The following CCDC85A variants were observed in gnomAD, a reference collection of about 807,000 sequenced individuals.
CCDC85A encodes coiled-coil domain containing 85A.
A neutral mutation model predicts 50.2 loss-of-function variants in CCDC85A; 38 were observed. The observed-to-expected ratio is 0.76, with a 90% CI of 0.58 to 0.99. The LOEUF is 0.99. CCDC85A is among the 50% of genes least tolerant of loss of function. The pLI, the probability that CCDC85A is intolerant of heterozygous loss-of-function variation, is 0.00. For synonymous variants in CCDC85A, 366 were observed against 301.4 expected, an observed-to-expected ratio of 1.21 and a Z score of -2.22; for missense variants, 820 against 742.0, an observed-to-expected ratio of 1.11 and a Z score of -1.22.
intron 3 of CCDC85A, among the ~76,000 whole-genome samples, chr2:56,362,163 A>T (rs753017258): frequency 6.6e-6 from 1 of 152,168 alleles, no homozygotes; most frequent in Non-Finnish European, 1.5e-5. Context: ...GGGATGGTAC[A>T]GAGTGTCAAC....
intron 2 of CCDC85A, among the ~76,000 whole-genome samples, chr2:56,211,037 G>A (rs756623253): frequency 2.6e-5 from 4 of 152,036 alleles, no homozygotes; most frequent in Non-Finnish European, 4.4e-5. Flanking sequence ...TTGCATCCAG[G>A]CTGCTTTACC....
At chr2:56,367,175 T>G (rs1408940775) in intron 3 of CCDC85A, among the ~76,000 whole-genome samples, 1 of 152,210 alleles carries the variant, frequency 6.6e-6, no homozygotes, top group Non-Finnish European at 1.5e-5. Context: ...GCATACTATA[T>G]GTCTCTATCT....
intron 2 of CCDC85A, among the ~76,000 whole-genome samples, chr2:56,201,067 C>A (rs1676714469): frequency 2.7e-5 from 1 of 36,432 alleles, no homozygotes; most frequent in South Asian, 1.1e-3. Context: ...TCAATTATTT[C>A]ATCTCTCTCC....
At chr2:56,277,910 C>A (rs115987401) in intron 2 of CCDC85A, among the ~76,000 whole-genome samples, 2 of 152,156 alleles carry the variant, frequency 1.3e-5, no homozygotes, top group Admixed American at 6.5e-5. Context: ...TAGGAAGGGA[C>A]GTATTGGACC....
At chr2:56,363,620 C>G (rs1675645871) in intron 3 of CCDC85A, among the ~76,000 whole-genome samples, 1 of 152,146 alleles carries the variant, frequency 6.6e-6, no homozygotes, top group South Asian at 2.1e-4. Flanking sequence ...TTTGCCAAAG[C>G]TAGGGCAGCA....
chr2:56,192,382 A>G lies in CCDC85A; in HGVS notation c.277-95A>G, dbSNP rs1676335496. 1.3e-6 allele frequency: 2 copies of G among 1,509,304 alleles called. No homozygotes were observed. The allele number at this position is 1,509,304 out of a possible 1,614,324, so 93.5% of individuals were successfully genotyped here. On this transcript the variant is annotated intron_variant, in intron 1 of 5. Transcript: ENST00000407595. This position sits in a 1 kb window ranked among gnomAD's most constrained non-coding sequence, Gnocchi z 4.7. ...ACCTCCTCCCCTAACCTCACAGGTA[A>G]TTCACCAGTTACAGGCTCTCCCTTT...
chr2:56,212,987 A>G (rs1677241200), intron 2 of CCDC85A, among the ~76,000 whole-genome samples: 1 of 152,108 alleles, frequency 6.6e-6, no homozygotes, highest in Admixed American at 6.6e-5. Context: ...TTGTTTGACA[A>G]TTAGATAGCC....
intron 2 of CCDC85A, among the ~76,000 whole-genome samples, chr2:56,290,730 C>G (rs765249584): frequency 1.3e-5 from 2 of 152,196 alleles, no homozygotes; most frequent in Non-Finnish European, 2.9e-5. Flanking sequence ...GGACATCTCT[C>G]AAGAAAACTA....
chr2:56,274,605 T>C (rs1670845836), intron 2 of CCDC85A, among the ~76,000 whole-genome samples: 1 of 152,204 alleles, frequency 6.6e-6, no homozygotes, highest in Non-Finnish European at 1.5e-5. Context: ...CTATGGATTG[T>C]CAGTGTTAAT....
intron 3 of CCDC85A, among the ~76,000 whole-genome samples, chr2:56,370,213 A>T (rs1173413479): frequency 6.6e-6 from 1 of 152,150 alleles, no homozygotes; most frequent in Non-Finnish European, 1.5e-5. Flanking sequence ...AGTTGCCAGA[A>T]ACAAGTTTAA....
intron 2 of CCDC85A, among the ~76,000 whole-genome samples, chr2:56,272,853 A>C (rs1396494770): frequency 6.6e-6 from 1 of 152,220 alleles, no homozygotes; most frequent in Non-Finnish European, 1.5e-5. Flanking sequence ...CAGTGCCTCA[A>C]CTTGTAAATG....
intron 3 of CCDC85A, among the ~76,000 whole-genome samples, chr2:56,358,177 C>G (rs1675332090): frequency 6.6e-6 from 1 of 152,174 alleles, no homozygotes; most frequent in Admixed American, 6.5e-5. Flanking sequence ...TCAGCCAAAA[C>G]AAACCTCTGC....
chr2:56,258,619 A>G (rs1037240436), intron 2 of CCDC85A, among the ~76,000 whole-genome samples: 1 of 152,248 alleles, frequency 6.6e-6, no homozygotes, highest in Admixed American at 6.5e-5. Flanking sequence ...AAAATCTAGG[A>G]CAGGAGAGAC....
At chr2:56,377,885 C>G (rs571306327) in intron 5 of CCDC85A, among the ~76,000 whole-genome samples, 98 of 140,076 alleles carry the variant, frequency 7.0e-4, no homozygotes, top group Non-Finnish European at 1.3e-3. Flanking sequence ...GAAACTCCGT[C>G]TCAAAAAAAA....
At chr2:56,354,571 G>A (rs958362988) in intron 3 of CCDC85A, among the ~76,000 whole-genome samples, 14 of 152,170 alleles carry the variant, frequency 9.2e-5, no homozygotes, top group Admixed American at 4.6e-4. Context: ...ATTGTAGGAG[G>A]CACACAGTGA....
At chr2:56,332,859 G>A (rs1003481982) in intron 2 of CCDC85A, among the ~76,000 whole-genome samples, 7 of 152,156 alleles carry the variant, frequency 4.6e-5, no homozygotes, top group South Asian at 4.1e-4. Context: ...CGTCATTACA[G>A]AATTGGAATT....
intron 2 of CCDC85A, among the ~76,000 whole-genome samples, chr2:56,295,530 G>A (rs1033289300): frequency 2.6e-5 from 4 of 152,208 alleles, no homozygotes; most frequent in South Asian, 4.1e-4. Context: ...GTGAAAGGAT[G>A]CCACTGGAGT....
At chr2:56,253,936 G>A (rs1669874705) in intron 2 of CCDC85A, among the ~76,000 whole-genome samples, 1 of 152,134 alleles carries the variant, frequency 6.6e-6, no homozygotes, top group African/African-American at 2.4e-5. Flanking sequence ...GTGGACATTG[G>A]CTTTGATGGC....
chr2:56,365,068 T>C (rs1675724211), intron 3 of CCDC85A, among the ~76,000 whole-genome samples: 1 of 152,196 alleles, frequency 6.6e-6, no homozygotes, highest in Admixed American at 6.5e-5. Context: ...TGGACTCAGC[T>C]TTTGCTACTC....
Sources: gnomAD v4.1 joint callset for allele counts (sites outside exome capture counted in the v4.1 genomes callset) on GRCh38, gnomAD v4.1.1 for gene constraint, Gnocchi (gnomAD v3.1) non-coding constraint, MANE v1.5 for transcripts, NCBI Gene and HGNC (gene_info 2026-07-23, HGNC 2026-07-21) for gene names.